Variants in CEP55 observed in about 807,000 individuals in gnomAD.
The protein encoded by CEP55 is centrosomal protein of 55 kDa.
A neutral mutation model predicts 63.2 loss-of-function variants in CEP55; 57 were observed. That is an observed-to-expected ratio of 0.90 (90% CI 0.73 to 1.13). The LOEUF is 1.13. CEP55 is among the 50% of genes most tolerant of loss of function. CEP55 has a pLI of 0.00. For missense variants in CEP55, 456 were observed against 518.9 expected, an observed-to-expected ratio of 0.88 and a Z score of 1.18; for synonymous variants, 178 against 191.6, an observed-to-expected ratio of 0.93 and a Z score of 0.59.
chr10:93,520,479 C>G (rs1311972244), intron 8 of CEP55, among the ~76,000 whole-genome samples: 1 of 150,440 alleles, frequency 6.6e-6, no homozygotes, highest in Non-Finnish European at 1.5e-5. Flanking sequence ...GGATAATGGA[C>G]TATTACTGTT....
chr10:93,506,181 T>C lies in CEP55; in HGVS notation c.460-807T>C, dbSNP rs549027965. 2.6e-5 allele frequency among the ~76,000 whole-genome samples: 4 copies of C among 152,274 alleles called. No individual in the cohort carries two copies. In the East Asian group the frequency reaches 7.7e-4, roughly 29 times the overall value. On this transcript the variant is annotated intron_variant, in intron 3 of 8. Coordinates refer to ENST00000371485, the MANE Select transcript of CEP55 (RefSeq NM_018131.5). The stretch of plus-strand genomic sequence containing the variant: ...TGGTCTCAAACTCCTGACCTTGTGA[T>C]CCTACCCGCCTTGCCCTCCCAAAGT...
chr10:93,504,150 AT>A (rs2057664197), intron 3 of CEP55, among the ~76,000 whole-genome samples: 1 of 152,002 alleles, frequency 6.6e-6, no homozygotes, highest in African/African-American at 2.4e-5. Flanking sequence ...TCTTTTGGAG[AT>A]TTGGAGATTC....
chr10:93,506,854 G>A (rs998841832), intron 3 of CEP55, 134 bp from the exon 4 acceptor site: 55 of 705,186 alleles, frequency 7.8e-5, no homozygotes, highest in Middle Eastern at 4.7e-4. Flanking sequence ...GATTATAGGC[G>A]TGAGCCACCG....
chr10:93,520,796 A>G (rs1208931285), intron 8 of CEP55, among the ~76,000 whole-genome samples: 1 of 152,192 alleles, frequency 6.6e-6, no homozygotes, highest in East Asian at 1.9e-4. Context: ...AAAAGTAAAA[A>G]TCACTTGTAA....
intron 8 of CEP55, among the ~76,000 whole-genome samples, chr10:93,526,118 A>G (rs1168233528): frequency 6.6e-6 from 1 of 152,222 alleles, no homozygotes; most frequent in Non-Finnish European, 1.5e-5. Context: ...GCTTCTGCAC[A>G]GCAAAAGAAA....
chr10:93,526,635 G>A (rs1216404279), intron 8 of CEP55, among the ~76,000 whole-genome samples: 4 of 152,148 alleles, frequency 2.6e-5, no homozygotes, highest in Admixed American at 6.6e-5. Context: ...ACATGCACAC[G>A]TATGTTTATT....
At chr10:93,501,773 TA>T (rs2057638203) in intron 2 of CEP55, among the ~76,000 whole-genome samples, 1 of 152,220 alleles carries the variant, frequency 6.6e-6, no homozygotes, top group South Asian at 2.1e-4. Flanking sequence ...TTATTTTTTG[TA>T]ACAACATACA....
chr10:93,525,070 G>C (rs1243602268), intron 8 of CEP55, among the ~76,000 whole-genome samples: 2 of 151,430 alleles, frequency 1.3e-5, no homozygotes, highest in Non-Finnish European at 2.9e-5. Flanking sequence ...ATTCAACATA[G>C]TGTTGGAAGT....
chr10:93,504,350 GTA>G (rs1564761884), intron 3 of CEP55, among the ~76,000 whole-genome samples: 1 of 152,036 alleles, frequency 6.6e-6, no homozygotes, highest in Non-Finnish European at 1.5e-5. Context: ...GCACGCATCT[GTA>G]ATCCCAGCTA....
chr10:93,524,865 A>G (rs1327010882), intron 8 of CEP55, among the ~76,000 whole-genome samples: 1 of 152,196 alleles, frequency 6.6e-6, no homozygotes, highest in Non-Finnish European at 1.5e-5. Flanking sequence ...TAGATGCAGA[A>G]AAGGCCTTTG....
chr10:93,504,124 T>C (rs542010745), intron 3 of CEP55, among the ~76,000 whole-genome samples: 1 of 152,334 alleles, frequency 6.6e-6, no homozygotes, highest in African/African-American at 2.4e-5. Context: ...GGTTACTTAT[T>C]GATCAGACCT....
At chr10:93,523,983 A>G (rs1371230125) in intron 8 of CEP55, among the ~76,000 whole-genome samples, 1 of 152,194 alleles carries the variant, frequency 6.6e-6, no homozygotes, top group Non-Finnish European at 1.5e-5. Flanking sequence ...CACAAGAGAA[A>G]GCAGGAAAGA....
At position 93,503,307 on chromosome 10, in the gene CEP55, C is replaced by T. The variant is rs201117242; in HGVS notation, c.378C>T (p.Asp126=). Residue 126 remains aspartate (D), a synonymous_variant, in exon 3 of 9, where the codon GAC becomes GAT. Coordinates refer to ENST00000371485, the MANE Select transcript of CEP55 (RefSeq NM_018131.5). Reference sequence around the variant, plus strand: ...TGAAAGCCTTATCTGAAGAGAAAGACGTATTGAAACAACAGTTGTCTGCTG... The same window carrying T: ...TGAAAGCCTTATCTGAAGAGAAAGATGTATTGAAACAACAGTTGTCTGCTG... ...QVLKALSEEK[D]VLKQQLSAAT... is the part of the protein sequence containing the mutation. The T allele has an allele frequency of 8.1e-6, 13 of 1,613,976 alleles. No individual in the cohort carries two copies. Among genetic ancestry groups the T allele is most frequent in the Admixed American group, 3.3e-5 (2 of 60,006 alleles).
Position 93,503,349 on chromosome 10 carries a change from T to G in CEP55, c.420T>G (p.Ala140=). The change falls in exon 3 of 9, where the codon GCT becomes GCG. Residue 140 remains alanine (A), a synonymous_variant. Coordinates refer to ENST00000371485, the MANE Select transcript of CEP55 (RefSeq NM_018131.5). ...TGTCTGCTGCAACCTCACGAATTGCTGAACTTGAAAGCAAAACCAATACAC... is the reference window on the plus strand; with the variant it reads ...TGTCTGCTGCAACCTCACGAATTGCGGAACTTGAAAGCAAAACCAATACAC... ...QQLSAATSRI[A]ELESKTNTLR... The G allele has an allele frequency of 1.2e-6, 2 of 1,614,174 alleles. No individual in the cohort carries two copies. Among genetic ancestry groups the G allele is most frequent in the South Asian group, 2.2e-5 (2 of 91,084 alleles).
In CEP55 at chr10:93,503,231, T is replaced by G; in HGVS notation, c.302T>G (p.Leu101Arg). ...GCCAGATATAGTACTACCACATTGC[T>G]TGAACAGCTGGAAGAGACAACGAGA... ...LKARYSTTTL[L>R]EQLEETTREG... The change falls in exon 3 of 9, where the codon CTT (leucine) becomes CGT (arginine). Residue 101 changes from leucine (L) to arginine (R), a missense_variant. Leu to Arg is a moderately radical substitution (Grantham distance 102). Coordinates refer to ENST00000371485, the MANE Select transcript of CEP55 (RefSeq NM_018131.5). 6.2e-7 allele frequency: 1 copy of G among 1,614,010 alleles called. No individual in the cohort carries two copies. The highest frequency in any genetic ancestry group is 8.5e-7 in the Non-Finnish European group (1 of 1,179,970).
chr10:93,522,774 G>A (rs1426094720), intron 8 of CEP55, among the ~76,000 whole-genome samples: 1 of 152,042 alleles, frequency 6.6e-6, no homozygotes, highest in Non-Finnish European at 1.5e-5. Context: ...GAGAGTGGGG[G>A]GTCAATATTC....
intron 8 of CEP55, among the ~76,000 whole-genome samples, chr10:93,522,336 A>C (rs1360103463): frequency 6.6e-6 from 1 of 152,260 alleles, no homozygotes; most frequent in Non-Finnish European, 1.5e-5. Flanking sequence ...AATGAGTATC[A>C]ATGATGGAAG....
chr10:93,511,378 A>G (rs890304441), intron 4 of CEP55, among the ~76,000 whole-genome samples: 3 of 152,194 alleles, frequency 2.0e-5, no homozygotes, highest in African/African-American at 4.8e-5. Flanking sequence ...GTTTGACTCT[A>G]AAAACTCAAA....
chr10:93,516,885 A>G, intron 5 of CEP55, 50 bp from the exon 6 acceptor site: 1 of 1,259,968 alleles, frequency 7.9e-7, no homozygotes, highest in Non-Finnish European at 1.1e-6. Flanking sequence ...CTTTTCAGGA[A>G]TATTATTTAT....
Sources: gnomAD v4.1 joint callset for allele counts (sites outside exome capture counted in the v4.1 genomes callset) on GRCh38, gnomAD v4.1.1 for gene constraint, MANE v1.5 for transcripts, NCBI Gene and HGNC (gene_info 2026-07-23, HGNC 2026-07-21) for gene names.